Variants in USP10 observed in about 807,000 individuals in gnomAD.
The protein encoded by USP10 is ubiquitin carboxyl-terminal hydrolase 10.
USP10 carries 22 observed loss-of-function variants against 84.5 expected under a neutral mutation model. The ratio of observed to expected loss-of-function variants is 0.26; its 90% CI spans 0.19 to 0.37. The LOEUF is 0.37. Ranked by LOEUF, USP10 falls within the 10% of genes least tolerant of loss-of-function variation. The pLI is 1.00. For synonymous variants in USP10, 454 were observed against 387.6 expected (o/e 1.17, Z -2.01); for missense variants, 1,019 against 998.9 (o/e 1.02, Z -0.27).
chr16:84,776,066 A>G (rs1914980977), intron 13 of USP10, among the ~76,000 whole-genome samples: 1 of 152,118 alleles, frequency 6.6e-6, no homozygotes, highest in Admixed American at 6.5e-5. Context: ...ACCTTCACAC[A>G]TGTATTGAAC....
intron 9 of USP10, 111 bp from the exon 10 acceptor site, chr16:84,763,975 T>C: frequency 7.3e-7 from 1 of 1,368,546 alleles, no homozygotes; most frequent in Non-Finnish European, 9.8e-7. Flanking sequence ...GCTCCTAATG[T>C]AGACCACACC....
chr16:84,744,944 C>A lies in USP10; in HGVS notation c.463C>A (p.Arg155=). ...AAGGGAGCGTAAAAAGAAGAAAAAG[C>A]GGCCACCTGGATATTACAGCTATTT... ...GQRERKKKKK[R]PPGYYSYLKD... is the part of the protein sequence containing the mutation. Residue 155 remains arginine (R), a synonymous_variant, in exon 4 of 14, where the codon CGG becomes AGG. Coordinates refer to ENST00000219473, the MANE Select transcript of USP10 (RefSeq NM_005153.3). 6.2e-7 allele frequency: 1 copy of A among 1,613,734 alleles called. No homozygotes were observed. Among genetic ancestry groups the A allele is most frequent in the Non-Finnish European group, 8.5e-7 (1 of 1,179,702 alleles).
chr16:84,719,083 C>T (rs969559675), intron 1 of USP10, among the ~76,000 whole-genome samples: 12 of 151,984 alleles, frequency 7.9e-5, no homozygotes, highest in Non-Finnish European at 1.5e-4. Context: ...TGAGCCACCG[C>T]GCCCGGCCAG....
Position 84,744,990 on chromosome 16 carries a change from G to A in USP10, c.509G>A (p.Ser170Asn), listed in dbSNP as rs759953051. Residue 170 changes from serine (S) to asparagine (N), a missense_variant, in exon 4 of 14, where the codon AGT becomes AAT. Ser to Asn is a conservative substitution (Grantham distance 46, BLOSUM62 1). Transcript: ENST00000219473. ...TATTTGAAAGATGGTGGCGATGATA[G>A]TATCTCCACAGAAGCCCTGGTCAAT... is the stretch of plus-strand genomic sequence containing the variant. ...YSYLKDGGDD[S>N]ISTEALVNGH... 53 of 1,613,710 alleles carry A rather than the reference G, an allele frequency of 3.3e-5. No homozygotes were observed. Among genetic ancestry groups the A allele is most frequent in the Non-Finnish European group, 4.1e-5 (48 of 1,179,740 alleles).
intron 1 of USP10, among the ~76,000 whole-genome samples, chr16:84,720,613 G>A (rs1428280268): frequency 2.0e-5 from 2 of 98,862 alleles, no homozygotes; most frequent in Non-Finnish European, 3.8e-5. Flanking sequence ...ATGGAGCCTC[G>A]CTGTGTTGCC....
intron 1 of USP10, among the ~76,000 whole-genome samples, chr16:84,702,790 C>T (rs1244579291): frequency 1.3e-5 from 2 of 151,726 alleles, no homozygotes; most frequent in Non-Finnish European, 1.5e-5. Context: ...GTCAGGGGTT[C>T]GAGATCAGCC....
intron 1 of USP10, among the ~76,000 whole-genome samples, chr16:84,730,850 A>G (rs1377318600): frequency 2.6e-5 from 4 of 152,210 alleles, no homozygotes; most frequent in African/African-American, 9.7e-5. Context: ...TAAAGAAAAT[A>G]CCTGATAATC....
intron 1 of USP10, among the ~76,000 whole-genome samples, chr16:84,720,901 T>G (rs1907711132): frequency 6.8e-6 from 1 of 148,074 alleles, no homozygotes; most frequent in Non-Finnish European, 1.5e-5. Context: ...CAATTTTTTT[T>G]TTTTTTTTTT....
chr16:84,775,105 T>C (rs1914859827), intron 12 of USP10, 55 bp from the exon 13 acceptor site: 1 of 1,513,036 alleles, frequency 6.6e-7, no homozygotes, highest in African/African-American at 1.4e-5. Context: ...TTTCTGCTGC[T>C]GTTACCCTGA....
chr16:84,764,217 G>T lies in USP10; in HGVS notation c.1786G>T (p.Asp596Tyr), dbSNP rs1913561054. 6.2e-7 allele frequency: 1 copy of T among 1,613,916 alleles called. No individual in the cohort carries two copies. Among genetic ancestry groups the T allele is most frequent in the African/African-American group, 1.3e-5 (1 of 74,940 alleles). Residue 596 changes from aspartate to tyrosine, a missense_variant, in exon 10 of 14, where the codon GAT (aspartate) becomes TAT (tyrosine). Physicochemically the swap from Asp to Tyr is radical, Grantham distance 160. This residue lies in a region of USP10 where 232 missense variants were observed against 290.1 expected (regional missense o/e 0.80). Transcript: ENST00000219473. ...CAAGACTTCCGTCACCCGCCAGGCGGATTTTGTTCAGACTCCAATCACCGG... is the reference window on the plus strand; with the variant it reads ...CAAGACTTCCGTCACCCGCCAGGCGTATTTTGTTCAGACTCCAATCACCGG... ...RNKTSVTRQA[D>Y]FVQTPITGIF...
At chr16:84,778,207 A>C (rs527877024) in intron 13 of USP10, among the ~76,000 whole-genome samples, 39 of 152,020 alleles carry the variant, frequency 2.6e-4, no homozygotes, top group Non-Finnish European at 5.3e-4. Flanking sequence ...GCCCCACCAC[A>C]GCTCCACGCT....
At chr16:84,740,798 A>G (rs894622317) in intron 3 of USP10, among the ~76,000 whole-genome samples, 1 of 152,182 alleles carries the variant, frequency 6.6e-6, no homozygotes, top group Admixed American at 6.5e-5. Flanking sequence ...GTTCACATTC[A>G]TGTCCTGGTC....
intron 13 of USP10, among the ~76,000 whole-genome samples, chr16:84,777,725 C>T (rs1035538890): frequency 6.6e-5 from 10 of 152,070 alleles, no homozygotes; most frequent in African/African-American, 1.9e-4. Flanking sequence ...AGGCCTCCTG[C>T]TGTCATTTAG....
At chr16:84,742,862 A>C (rs563532631) in intron 3 of USP10, among the ~76,000 whole-genome samples, 14 of 152,378 alleles carry the variant, frequency 9.2e-5, no homozygotes, top group Admixed American at 3.3e-4. Flanking sequence ...TTCACGTTAC[A>C]TCACATTCTA....
chr16:84,745,588 A>G lies in USP10; in HGVS notation c.1107A>G (p.Ile369Met), dbSNP rs1911131726. Residue 369 changes from isoleucine to methionine, a missense_variant, in exon 4 of 14, where the codon ATA becomes ATG. Physicochemically the swap from Ile to Met is conservative, Grantham distance 10 (BLOSUM62 1). Coordinates refer to ENST00000219473, the MANE Select transcript of USP10 (RefSeq NM_005153.3). ...AAACTAAGTATTCCCCTCCCGCCATATCTCCCCTGGTTTCTGAAAAGCAGG... is the reference window on the plus strand; with the variant it reads ...AAACTAAGTATTCCCCTCCCGCCATGTCTCCCCTGGTTTCTGAAAAGCAGG... ...YVETKYSPPA[I>M]SPLVSEKQVE... The G allele has an allele frequency of 2.5e-6, 4 of 1,613,364 alleles. No individual in the cohort carries two copies. Among genetic ancestry groups the G allele is most frequent in the East Asian group, 2.2e-5 (1 of 44,884 alleles).
chr16:84,724,445 C>T (rs892294178), intron 1 of USP10, among the ~76,000 whole-genome samples: 1 of 152,070 alleles, frequency 6.6e-6, no homozygotes, highest in African/African-American at 2.4e-5. Flanking sequence ...AATATACAAA[C>T]AGGGAAGTAG....
chr16:84,751,545 G>A (rs1176022500), intron 4 of USP10, among the ~76,000 whole-genome samples: 1 of 152,170 alleles, frequency 6.6e-6, no homozygotes, highest in Admixed American at 6.5e-5. Context: ...TTCGATGTTT[G>A]TAGCCTCACA....
intron 1 of USP10, among the ~76,000 whole-genome samples, chr16:84,732,762 C>T (rs958395421): frequency 4.6e-5 from 7 of 152,132 alleles, no homozygotes; most frequent in Non-Finnish European, 4.4e-5. Flanking sequence ...TGACTTGTTT[C>T]TTGAAGCTCC....
intron 10 of USP10, among the ~76,000 whole-genome samples, chr16:84,766,940 T>G (rs1029360269): frequency 1.1e-4 from 16 of 152,242 alleles, no homozygotes; most frequent in African/African-American, 3.6e-4. Context: ...CCAGGAAGAC[T>G]TCCCCGCCTT....
Sources: allele counts gnomAD v4.1 joint callset (sites outside exome capture counted in the v4.1 genomes callset), GRCh38; gene constraint gnomAD v4.1.1; regional missense constraint gnomAD v4.1.1; transcripts MANE v1.5; gene names NCBI Gene and HGNC (gene_info 2026-07-23, HGNC 2026-07-21).